The following LRPPRC variants were observed in gnomAD, a reference collection of about 807,000 sequenced individuals.
LRPPRC encodes leucine-rich PPR motif-containing protein, mitochondrial.
In LRPPRC, 120 loss-of-function variants were observed where a neutral mutation model predicts 180.3. That is an observed-to-expected ratio of 0.67 (90% CI 0.57 to 0.77). The LOEUF (loss-of-function observed/expected upper bound fraction) is 0.77, where lower values mean the gene tolerates loss of function less well. Ranked by LOEUF, LRPPRC falls within the 30% of genes least tolerant of loss-of-function variation. The pLI, the probability that LRPPRC is intolerant of heterozygous loss-of-function variation, is 0.00. For synonymous variants in LRPPRC, 723 were observed against 600.0 expected, an observed-to-expected ratio of 1.21 and a Z score of -3.00; for missense variants, 2,012 against 1,657.2, an observed-to-expected ratio of 1.21 and a Z score of -3.72.
At chr2:43,945,779 T>C (rs1171908542) in intron 21 of LRPPRC, among the ~76,000 whole-genome samples, 6 of 152,190 alleles carry the variant, frequency 3.9e-5, no homozygotes. Context: ...ATGGATAGAA[T>C]TTTATTTACA....
intron 11 of LRPPRC, among the ~76,000 whole-genome samples, chr2:43,966,361 C>T (rs190178111): frequency 2.0e-5 from 3 of 151,344 alleles, no homozygotes; most frequent in South Asian, 2.1e-4. Flanking sequence ...ACACAATGTA[C>T]AGAATACTTG....
rs34536805 is a variant in LRPPRC at position 43,929,949 on chromosome 2, AAAACAAAC to A, written c.2737-3996_2737-3989del. ...TCCTGAAATTTTGGAGGACAAAACAAAAACAAACAAACAAACAAACAAACAAACAAACA... is the reference window on the plus strand; with the variant it reads ...TCCTGAAATTTTGGAGGACAAAACAAAAACAAACAAACAAACAAACAAACA... On this transcript the variant is annotated intron_variant, in intron 25 of 37. Transcript: ENST00000260665. Among the ~76,000 whole-genome samples the A allele has an allele frequency of 8.2e-3, 1,240 of 150,320 alleles. 9 individuals are homozygous for A. Among genetic ancestry groups the A allele is most frequent in the African/African-American group, 0.017 (698 of 40,792 alleles).
intron 34 of LRPPRC, among the ~76,000 whole-genome samples, chr2:43,897,504 A>G (rs1469385944): frequency 6.6e-6 from 1 of 152,208 alleles, no homozygotes; most frequent in African/African-American, 2.4e-5. Flanking sequence ...GAACATTTAC[A>G]TTACGCACTG....
chr2:43,959,280 TACTC>T, intron 13 of LRPPRC: 2 of 702,368 alleles, frequency 2.8e-6, no homozygotes, highest in Non-Finnish European at 5.3e-6. Flanking sequence ...CCAGCAATAA[TACTC>T]AATATTTGAC....
At position 43,991,736 on chromosome 2, in the gene LRPPRC, T is replaced by G. The variant is rs138736775; in HGVS notation, c.149+4063A>C. Among the ~76,000 whole-genome samples, 968 of 152,282 alleles carry G rather than the reference T, an allele frequency of 6.4e-3. 9 individuals carry two copies. Among genetic ancestry groups the G allele is most frequent in the African/African-American group, 0.022 (920 of 41,548 alleles). The stretch of plus-strand genomic sequence containing the variant: ...AAGAGCAAGACCACATATTACAAAG[T>G]AAAAGGATATACTTCTTGGTGCTAC... On this transcript the variant is annotated intron_variant, in intron 1 of 37. Coordinates refer to ENST00000260665, the MANE Select transcript of LRPPRC (RefSeq NM_133259.4).
At chr2:43,909,036 A>G (rs1009056817) in intron 30 of LRPPRC, among the ~76,000 whole-genome samples, 6 of 152,240 alleles carry the variant, frequency 3.9e-5, no homozygotes, top group Admixed American at 6.5e-5. Context: ...ACTGATACAG[A>G]ATGGGAAATG....
rs562353489 is a variant in LRPPRC at position 43,897,482 on chromosome 2, T to G, written c.3826-774A>C. ...AACGAATGGTATAAAAAGAACTTTTTGGGGCCACACAGAACATTTACATTA... is the reference window on the plus strand; with the variant it reads ...AACGAATGGTATAAAAAGAACTTTTGGGGGCCACACAGAACATTTACATTA... On this transcript the variant is annotated intron_variant, in intron 34 of 37. Transcript: ENST00000260665. 2.0e-3 allele frequency among the ~76,000 whole-genome samples: 308 copies of G among 152,302 alleles called. 4 individuals are homozygous for G. The Middle Eastern group carries it at 0.044, about 22-fold the overall frequency.
intron 11 of LRPPRC, among the ~76,000 whole-genome samples, chr2:43,965,901 T>C (rs1572555570): frequency 6.6e-6 from 1 of 152,214 alleles, no homozygotes. Context: ...GGAACCCTGG[T>C]CTACTGTTGG....
chr2:43,900,381 T>A (rs1251185324), intron 32 of LRPPRC, among the ~76,000 whole-genome samples: 2 of 152,126 alleles, frequency 1.3e-5, no homozygotes, highest in African/African-American at 4.8e-5. Context: ...TTAAACATAA[T>A]TCTCTAACTA....
chr2:43,927,864 G>T (rs1282745774), intron 25 of LRPPRC, among the ~76,000 whole-genome samples: 1 of 152,184 alleles, frequency 6.6e-6, no homozygotes, highest in African/African-American at 2.4e-5. Flanking sequence ...ATCTAGGTCA[G>T]ATTAACTAAA....
intron 25 of LRPPRC, among the ~76,000 whole-genome samples, chr2:43,933,003 C>T (rs190551026): frequency 6.6e-6 from 1 of 152,140 alleles, no homozygotes. Context: ...ACTCAATAGC[C>T]AGACAGCTCT....
Position 43,949,347 on chromosome 2 carries a change from T to C in LRPPRC, c.1735+255A>G, listed in dbSNP as rs568239822. On this transcript the variant is annotated intron_variant, in intron 16 of 37. Coordinates refer to ENST00000260665, the MANE Select transcript of LRPPRC (RefSeq NM_133259.4). Reference sequence around the variant, plus strand: ...TCACTGATTTTTAAGCCTATTTCCATAGATGTTAGAAGAAACATTTCCCCA... The same window carrying C: ...TCACTGATTTTTAAGCCTATTTCCACAGATGTTAGAAGAAACATTTCCCCA... Among the ~76,000 whole-genome samples, 4 of 152,268 alleles carry C rather than the reference T, an allele frequency of 2.6e-5. No individual in the cohort carries two copies. In the South Asian group the frequency reaches 6.2e-4, roughly 24 times the overall value.
chr2:43,951,282 G>T (rs909544537), intron 14 of LRPPRC, among the ~76,000 whole-genome samples: 3 of 152,174 alleles, frequency 2.0e-5, no homozygotes, highest in Non-Finnish European at 2.9e-5. Context: ...TAAAAATTAG[G>T]TATCTTTTTT....
intron 25 of LRPPRC, 145 bp from the exon 26 acceptor site, chr2:43,926,106 C>G (rs1342982358): frequency 1.7e-6 from 1 of 597,616 alleles, no homozygotes; most frequent in Middle Eastern, 4.5e-4. Flanking sequence ...TACTAGTATA[C>G]AATCTATATA....
At position 43,945,311 on chromosome 2, in the gene LRPPRC, C is replaced by A. The variant is rs78949539; in HGVS notation, c.2296+21G>T. 2.7e-3 allele frequency: 4,134 copies of A among 1,529,346 alleles called. 88 individuals carry two copies. In the African/African-American group the frequency reaches 0.046, roughly 17 times the overall value. The allele number at this position is 1,529,346 out of a possible 1,614,324, so 94.7% of individuals were successfully genotyped here. On this transcript the variant is annotated intron_variant, in intron 22 of 37. Coordinates refer to ENST00000260665, the MANE Select transcript of LRPPRC (RefSeq NM_133259.4). ...GGCAAGATACTTGCATCACATATTT[C>A]CTTTATGTGCTGAGGCTTACCTTGG...
intron 14 of LRPPRC, among the ~76,000 whole-genome samples, chr2:43,955,567 G>A (rs116616103): frequency 0.015 from 2,210 of 151,616 alleles, 47 homozygotes; most frequent in African/African-American, 0.049. Flanking sequence ...GTGAGATCCC[G>A]TCTCTACAAA....
chr2:43,969,516 G>C (rs1056225177), intron 11 of LRPPRC, among the ~76,000 whole-genome samples: 2 of 152,032 alleles, frequency 1.3e-5, no homozygotes, highest in Non-Finnish European at 2.9e-5. Context: ...AAAGAACTGG[G>C]ATTAAGTCCT....
chr2:43,974,989 C>T, intron 7 of LRPPRC, 102 bp downstream of exon 7: 1 of 1,256,718 alleles, frequency 8.0e-7, no homozygotes. Context: ...AAGGAAACAT[C>T]TTTGAAAACA....
chr2:43,926,898 A>G (rs896869888), intron 25 of LRPPRC, among the ~76,000 whole-genome samples: 1 of 152,250 alleles, frequency 6.6e-6, no homozygotes, highest in African/African-American at 2.4e-5. Context: ...GAACAAAACA[A>G]GCTAAGTACT....
Sources: allele counts gnomAD v4.1 joint callset (sites outside exome capture counted in the v4.1 genomes callset), GRCh38; gene constraint gnomAD v4.1.1; transcripts MANE v1.5; gene names NCBI Gene and HGNC (gene_info 2026-07-23, HGNC 2026-07-21).